Variants in PRKACB observed in about 807,000 individuals in gnomAD.
PRKACB encodes the protein protein kinase cAMP-activated catalytic subunit beta, also known as cAMP-dependent protein kinase catalytic subunit beta.
A neutral mutation model predicts 51.4 loss-of-function variants in PRKACB; 16 were observed. The observed-to-expected ratio is 0.31, with a 90% CI of 0.21 to 0.47. The LOEUF (loss-of-function observed/expected upper bound fraction) is 0.47, where lower values mean the gene tolerates loss of function less well. Among genes scored for constraint, PRKACB ranks in the 20% least tolerant of loss-of-function variants. PRKACB has a pLI of 1.00. For missense variants in PRKACB, 309 were observed against 464.5 expected, an observed-to-expected ratio of 0.67 and a Z score of 3.08; for synonymous variants, 147 against 154.4, an observed-to-expected ratio of 0.95 and a Z score of 0.35.
chr1:84,129,821 A>G (rs1202774800), intron 1 of PRKACB, among the ~76,000 whole-genome samples: 1 of 152,216 alleles, frequency 6.6e-6, no homozygotes, highest in African/African-American at 2.4e-5. Context: ...AAAGAGACAA[A>G]TACAGTAGTG....
intron 9 of PRKACB, among the ~76,000 whole-genome samples, chr1:84,218,983 T>C (rs1485770075): frequency 6.6e-6 from 1 of 152,162 alleles, no homozygotes; most frequent in South Asian, 2.1e-4. Flanking sequence ...TTTAATTAGA[T>C]TGTTTATTTT....
chr1:84,086,185 C>T, intron 1 of PRKACB: 1 of 1,599,142 alleles, frequency 6.3e-7, no homozygotes, highest in South Asian at 1.1e-5. Context: ...TTGTGGGCAT[C>T]AAAGATGAGG....
At chr1:84,162,511 C>T (rs551978548) in intron 1 of PRKACB, among the ~76,000 whole-genome samples, 1 of 152,112 alleles carries the variant, frequency 6.6e-6, no homozygotes, top group South Asian at 2.1e-4. Context: ...TGGATGATTT[C>T]CATTGATCTA....
intron 1 of PRKACB, among the ~76,000 whole-genome samples, chr1:84,096,340 T>C (rs746598722): frequency 2.0e-5 from 3 of 152,118 alleles, no homozygotes; most frequent in South Asian, 2.1e-4. Flanking sequence ...ATCTGTTCTT[T>C]AGTGTCATGC....
At chr1:84,167,209 T>C (rs1055044356) in intron 1 of PRKACB, among the ~76,000 whole-genome samples, 2 of 151,578 alleles carry the variant, frequency 1.3e-5, no homozygotes, top group Admixed American at 1.3e-4. Context: ...TTCCAGGCCA[T>C]TTTCCACACT....
chr1:84,185,796 A>T lies in PRKACB; in HGVS notation c.560+614A>T, dbSNP rs539475672. 1.6e-4 allele frequency among the ~76,000 whole-genome samples: 24 copies of T among 152,244 alleles called. No individual in the cohort carries two copies. In the South Asian group the frequency reaches 4.8e-3, roughly 30 times the overall value. On this transcript the variant is annotated intron_variant, in intron 5 of 9. Coordinates refer to ENST00000370685, the MANE Select transcript of PRKACB (RefSeq NM_182948.4). The stretch of plus-strand genomic sequence containing the variant: ...AGTTTATAAGCTTCTACCGTTCATT[A>T]ATAATCACTAATAGAATAAAGCTAA...
chr1:84,115,821 G>T (rs567990932), intron 1 of PRKACB, among the ~76,000 whole-genome samples: 1 of 145,062 alleles, frequency 6.9e-6, no homozygotes, highest in African/African-American at 2.5e-5. Flanking sequence ...GGTGGAGGTT[G>T]TGGTGAGCCG....
chr1:84,081,876 C>T (rs1647563732), intron 1 of PRKACB, among the ~76,000 whole-genome samples: 1 of 152,104 alleles, frequency 6.6e-6, no homozygotes, highest in Non-Finnish European at 1.5e-5. Context: ...ACCATGTGAC[C>T]TAGTGTTCGC....
chr1:84,177,566 C>A (rs1572089271), intron 1 of PRKACB, among the ~76,000 whole-genome samples: 1 of 151,886 alleles, frequency 6.6e-6, no homozygotes, highest in African/African-American at 2.4e-5. Flanking sequence ...CACAGTTAGA[C>A]CCTCATCTCT....
At chr1:84,179,642 AG>A (rs1160828048) in intron 2 of PRKACB, among the ~76,000 whole-genome samples, 1 of 151,964 alleles carries the variant, frequency 6.6e-6, no homozygotes, top group Non-Finnish European at 1.5e-5. Context: ...CCTGATACAC[AG>A]GCATCTTTTT....
chr1:84,103,441 T>G, intron 1 of PRKACB, among the ~76,000 whole-genome samples: 4 of 149,394 alleles, frequency 2.7e-5, no homozygotes, highest in African/African-American at 7.4e-5. Context: ...GGGTGGGGGG[T>G]AGAGAAAGAA....
chr1:84,175,769 C>T (rs755383724), intron 1 of PRKACB: 6 of 1,553,580 alleles, frequency 3.9e-6, no homozygotes, highest in South Asian at 3.7e-5. Flanking sequence ...GGTGAATGTT[C>T]CTGCAAACAA....
intron 1 of PRKACB, among the ~76,000 whole-genome samples, chr1:84,130,561 A>G (rs1298574212): frequency 6.6e-6 from 1 of 152,238 alleles, no homozygotes; most frequent in Admixed American, 6.5e-5. Flanking sequence ...CAGGTCTTTG[A>G]AATCACAGTA....
chr1:84,183,904 GTTA>G (rs1664337835), intron 3 of PRKACB, 130 bp from the exon 4 acceptor site: 2 of 962,608 alleles, frequency 2.1e-6, no homozygotes, highest in African/African-American at 3.4e-5. Context: ...GTTGGTAATT[GTTA>G]TTATCTTCCT....
intron 1 of PRKACB, among the ~76,000 whole-genome samples, chr1:84,127,302 G>A (rs1278365872): frequency 6.6e-6 from 1 of 152,054 alleles, no homozygotes; most frequent in Non-Finnish European, 1.5e-5. Flanking sequence ...TGTAATTTAA[G>A]CTTATCATTA....
At chr1:84,140,190 G>A (rs187783737), upstream of PRKACB, among the ~76,000 whole-genome samples, 1 of 152,336 alleles carries the variant, frequency 6.6e-6, no homozygotes, top group African/African-American at 2.4e-5. Flanking sequence ...AAAGAGAATA[G>A]AGAGTCCAGA....
At chr1:84,217,722 G>T (rs1673081332) in intron 9 of PRKACB, among the ~76,000 whole-genome samples, 2 of 152,160 alleles carry the variant, frequency 1.3e-5, no homozygotes, top group African/African-American at 2.4e-5. Flanking sequence ...AAGCCCAAGA[G>T]GTCAAGGCTG....
chr1:84,177,700 A>T (rs900959366), intron 1 of PRKACB, among the ~76,000 whole-genome samples: 1 of 151,942 alleles, frequency 6.6e-6, no homozygotes, highest in Admixed American at 6.6e-5. Context: ...TGTGATCATG[A>T]CACTGCACTC....
At chr1:84,086,135 A>C (rs1647965415) in intron 1 of PRKACB, 13 of 1,592,760 alleles carry the variant, frequency 8.2e-6, no homozygotes, top group African/African-American at 1.3e-5. Context: ...GGTGGTGCCC[A>C]CTGTGCTGGC....
Sources: gnomAD v4.1 joint callset for allele counts (sites outside exome capture counted in the v4.1 genomes callset) on GRCh38, gnomAD v4.1.1 for gene constraint, MANE v1.5 for transcripts, NCBI Gene and HGNC (gene_info 2026-07-23, HGNC 2026-07-21) for gene names.